Variants in ILDR1 observed in about 807,000 individuals in gnomAD.
ILDR1 encodes immunoglobulin-like domain-containing receptor 1.
A neutral mutation model predicts 62.4 loss-of-function variants in ILDR1; 56 were observed. That is an observed-to-expected ratio of 0.90 (90% CI 0.72 to 1.12). The LOEUF is 1.12. Among genes scored for constraint, ILDR1 ranks in the 50% most tolerant of loss-of-function variants. The pLI is 0.00. For missense variants in ILDR1, 736 were observed against 710.6 expected, an observed-to-expected ratio of 1.04 and a Z score of -0.41; for synonymous variants, 284 against 277.8, an observed-to-expected ratio of 1.02 and a Z score of -0.22.
At chr3:122,037,366 G>A in the ILDR1 span, among the ~76,000 whole-genome samples, 2 of 152,234 alleles carry the variant, frequency 1.3e-5, no homozygotes, top group African/African-American at 4.8e-5. Flanking sequence ...GCCACCCAAG[G>A]CTGTGGGAGC....
the ILDR1 span, among the ~76,000 whole-genome samples, chr3:122,059,335 A>G: frequency 6.6e-6 from 1 of 152,148 alleles, no homozygotes; most frequent in Non-Finnish European, 1.5e-5. Flanking sequence ...AGAAGAATCT[A>G]CAATAGATAC....
At chr3:122,020,029 G>A (rs1041533285) in intron 1 of ILDR1, among the ~76,000 whole-genome samples, 1 of 152,148 alleles carries the variant, frequency 6.6e-6, no homozygotes, top group Admixed American at 6.5e-5. Context: ...TCCATCCAAA[G>A]TCACAACTAG....
At chr3:122,034,704 C>A in the ILDR1 span, among the ~76,000 whole-genome samples, 160 of 152,252 alleles carry the variant, frequency 1.1e-3, no homozygotes, top group African/African-American at 3.6e-3. Context: ...CTGATAAAGA[C>A]ATACCCGAGA....
chr3:122,047,413 C>A, the ILDR1 span, among the ~76,000 whole-genome samples: 33 of 152,378 alleles, frequency 2.2e-4, no homozygotes, highest in African/African-American at 7.7e-4. Context: ...CAGAGACAGG[C>A]AGGCCTCCTT....
chr3:122,028,660 C>A, the ILDR1 span, among the ~76,000 whole-genome samples: 1,565 of 152,298 alleles, frequency 0.01, 34 homozygotes, highest in African/African-American at 0.036. Flanking sequence ...ATCTGATTCA[C>A]TATTAAACAT....
intron 1 of ILDR1, among the ~76,000 whole-genome samples, chr3:122,010,948 C>G (rs2071694093): frequency 3.3e-5 from 5 of 152,182 alleles, no homozygotes; most frequent in Admixed American, 3.3e-4. Flanking sequence ...AGGGACTTGT[C>G]TGTGGTCATT....
the ILDR1 span, among the ~76,000 whole-genome samples, chr3:122,036,935 G>C: frequency 6.6e-6 from 1 of 152,208 alleles, no homozygotes; most frequent in Non-Finnish European, 1.5e-5. Context: ...AAGGGGCCAA[G>C]GTACAGCTCA....
chr3:122,045,444 C>G, the ILDR1 span, among the ~76,000 whole-genome samples: 1 of 152,140 alleles, frequency 6.6e-6, no homozygotes, highest in African/African-American at 2.4e-5. Flanking sequence ...CCACTTGGTG[C>G]AGAGCTGAGT....
At chr3:122,003,178 GA>G (rs1161865007) in intron 3 of ILDR1, among the ~76,000 whole-genome samples, 3 of 152,178 alleles carry the variant, frequency 2.0e-5, no homozygotes, top group African/African-American at 7.2e-5. Flanking sequence ...AAATGCCACG[GA>G]ACCTTAGCAT....
chr3:122,041,121 C>T, the ILDR1 span, among the ~76,000 whole-genome samples: 62 of 152,316 alleles, frequency 4.1e-4, no homozygotes, highest in East Asian at 0.012. Flanking sequence ...AGACACCTTA[C>T]CAAAGAAGAT....
rs149548365 is a variant in ILDR1, at chr3:121,993,948, G to C, written c.801C>G (p.Leu267=). 22 of 1,611,884 alleles carry C rather than the reference G, an allele frequency of 1.4e-5. No homozygotes were observed. In the African/African-American group the frequency reaches 2.5e-4, roughly 19 times the overall value. ...LQRDLSLPSS[L]PQMPMTQTTN... is the part of the protein sequence containing the mutation. ...TGGTCTGGGTCATTGGCATCTGCGGGAGGCTGGACGGCAGGGACAAATCTG... is the reference window on the plus strand; with the variant it reads ...TGGTCTGGGTCATTGGCATCTGCGGCAGGCTGGACGGCAGGGACAAATCTG... Residue 267 remains leucine, a synonymous_variant, in exon 7 of 8, where the codon CTC becomes CTG. Coordinates refer to ENST00000344209, the MANE Select transcript of ILDR1 (RefSeq NM_001199799.2).
chr3:121,993,115 C>A (rs773031345), intron 7 of ILDR1, 35 bp downstream of exon 7: 14 of 1,506,114 alleles, frequency 9.3e-6, no homozygotes, highest in Non-Finnish European at 1.2e-5. Context: ...CCTCTCTGCC[C>A]ATGCCCAACC....
At chr3:122,031,870 A>ACATT in the ILDR1 span, among the ~76,000 whole-genome samples, 1 of 152,240 alleles carries the variant, frequency 6.6e-6, no homozygotes, top group Non-Finnish European at 1.5e-5. Context: ...TCTAAAGCAG[A>ACATT]CATTACACAC....
At chr3:122,008,942 C>A (rs1559879705) in intron 1 of ILDR1, among the ~76,000 whole-genome samples, 1 of 148,974 alleles carries the variant, frequency 6.7e-6, no homozygotes, top group African/African-American at 2.5e-5. Flanking sequence ...TTCTTTTTTT[C>A]TTTTTTTTTG....
chr3:121,988,655 A>G (rs949954796), intron 7 of ILDR1, among the ~76,000 whole-genome samples: 2 of 152,220 alleles, frequency 1.3e-5, no homozygotes, highest in Admixed American at 6.5e-5. Flanking sequence ...AATTTCTTCC[A>G]GTCTAATTCA....
In ILDR1 at chr3:122,022,018, AC is replaced by A; in HGVS notation, c.58+1del. The A allele has an allele frequency of 1.3e-5, 21 of 1,610,292 alleles. No homozygotes were observed. The highest frequency in any genetic ancestry group is 1.8e-5 in the Non-Finnish European group (21 of 1,178,390). On this transcript the variant is annotated splice_donor_variant, in intron 1 of 7. Transcript: ENST00000344209. LOFTEE classifies it high-confidence loss of function. ...GGTGGGTACCATTTTTCCAAGGCTCACCTGCTGGGAGCCAGGTGCAGAGCAG... is the reference window on the plus strand; with the variant it reads ...GGTGGGTACCATTTTTCCAAGGCTCACTGCTGGGAGCCAGGTGCAGAGCAG...
chr3:122,016,613 G>C (rs1051920570), intron 1 of ILDR1, among the ~76,000 whole-genome samples: 1 of 152,206 alleles, frequency 6.6e-6, no homozygotes, highest in East Asian at 1.9e-4. Flanking sequence ...TGTATCTGGG[G>C]GGACAAGGCT....
the ILDR1 span, among the ~76,000 whole-genome samples, chr3:122,030,246 C>T: frequency 5.9e-5 from 9 of 152,080 alleles, no homozygotes; most frequent in South Asian, 2.1e-4. Context: ...GGACTAGAGC[C>T]GCAGAGAAGA....
In ILDR1 at chr3:122,007,096, T is replaced by G; in HGVS notation, c.124A>C (p.Ile42Leu). ...GAGGTGGTGTAGTCACATTTGAGGA[T>G]GATAGAGGCAAACAGGGTGACATAG... ...ERYVTLFASIILKCDYTTSAQ... is the reference protein window; with the variant it reads ...ERYVTLFASILLKCDYTTSAQ... Residue 42 changes from isoleucine (I) to leucine (L), a missense_variant, in exon 2 of 8, where the codon ATC becomes CTC. Ile to Leu is a conservative substitution (Grantham distance 5, BLOSUM62 2). Transcript: ENST00000344209. 1 of 1,614,076 alleles carries G rather than the reference T, an allele frequency of 6.2e-7. No individual in the cohort carries two copies. Among genetic ancestry groups the G allele is most frequent in the South Asian group, 1.1e-5 (1 of 91,068 alleles).
Sources: allele counts gnomAD v4.1 joint callset (sites outside exome capture counted in the v4.1 genomes callset), GRCh38; gene constraint gnomAD v4.1.1; transcripts MANE v1.5; gene names NCBI Gene and HGNC (gene_info 2026-07-23, HGNC 2026-07-21).